The following ANKRD62 variants were observed in gnomAD, a reference collection of about 807,000 sequenced individuals.
The protein encoded by ANKRD62 is ankyrin repeat domain 62, also known as ankyrin repeat domain-containing protein 62.
ANKRD62 carries 61 observed loss-of-function variants against 98.8 expected under a neutral mutation model. That is an observed-to-expected ratio of 0.62 (90% CI 0.50 to 0.76). The LOEUF is 0.76. Ranked by LOEUF, ANKRD62 falls within the 30% of genes least tolerant of loss-of-function variation. The probability of loss-of-function intolerance (pLI) is 0.00; values close to 1 mark genes in which losing one functional copy is unlikely to be tolerated. For missense variants in ANKRD62, 933 were observed against 1,082.9 expected, an observed-to-expected ratio of 0.86 and a Z score of 1.94; for synonymous variants, 341 against 367.9, an observed-to-expected ratio of 0.93 and a Z score of 0.84.
chr18:12,102,015 A>G lies in ANKRD62; in HGVS notation c.821-1143A>G, dbSNP rs1448674861. On this transcript the variant is annotated intron_variant, in intron 6 of 13. Transcript: ENST00000587848. The stretch of plus-strand genomic sequence containing the variant: ...GTCAGAGCTTCCACAGCGTGGCAAC[A>G]GCTTTGCAGATGCCCACATCATGGT... 6 of 1,347,266 alleles carry G rather than the reference A, an allele frequency of 4.5e-6. No individual in the cohort carries two copies. In the African/African-American group the frequency reaches 7.2e-5, roughly 16 times the overall value. 83.5% of individuals were successfully genotyped at this position (1,347,266 alleles called of 1,614,324 possible).
chr18:12,098,607 G>T (rs1055277018), intron 5 of ANKRD62: 7 of 152,174 alleles, frequency 4.6e-5, no homozygotes, highest in African/African-American at 1.7e-4. Context: ...AGCAAAACAG[G>T]TGCTAGCCAA....
intron 4 of ANKRD62, among the ~76,000 whole-genome samples, chr18:12,097,292 A>G (rs903191065): frequency 1.3e-4 from 20 of 152,232 alleles, no homozygotes; most frequent in African/African-American, 4.3e-4. Context: ...ATTACAATAT[A>G]TTATATCAGA....
In ANKRD62 at chr18:12,097,994, C is replaced by T. The variant is rs562274006; in HGVS notation, c.752+217C>T. 6.6e-5 allele frequency among the ~76,000 whole-genome samples: 10 copies of T among 152,294 alleles called. No individual in the cohort carries two copies. In the South Asian group the frequency reaches 2.1e-3, roughly 32 times the overall value. On this transcript the variant is annotated intron_variant, in intron 5 of 13. Coordinates refer to ENST00000587848, the MANE Select transcript of ANKRD62 (RefSeq NM_001277333.2). ...CTTTAACTCAAGTCTCTTAAGACTT[C>T]TATGCTTAGTTATTCTGTGAGTCCC...
At chr18:12,181,072 A>T in the ANKRD62 span, among the ~76,000 whole-genome samples, 4 of 151,368 alleles carry the variant, frequency 2.6e-5, no homozygotes, top group African/African-American at 9.7e-5. Flanking sequence ...TACCTCATAT[A>T]AATTCCTAGA....
rs936181524 is a variant in ANKRD62 at position 12,103,821 on chromosome 18, T to C, written c.891+593T>C. On this transcript the variant is annotated intron_variant, in intron 7 of 13. Transcript: ENST00000587848. Reference sequence around the variant, plus strand: ...CCAATTTATTTCAACATAGGAAATCTGCAAATATTGTTAAATTTTTAAAAT... The same window carrying C: ...CCAATTTATTTCAACATAGGAAATCCGCAAATATTGTTAAATTTTTAAAAT... Among the ~76,000 whole-genome samples the C allele has an allele frequency of 2.6e-5, 4 of 152,122 alleles. No individual in the cohort carries two copies. The South Asian group carries it at 8.3e-4, about 31-fold the overall frequency.
chr18:12,130,603 C>T (rs1361686056), downstream of ANKRD62, among the ~76,000 whole-genome samples: 12 of 151,902 alleles, frequency 7.9e-5, no homozygotes, highest in South Asian at 2.1e-4. Flanking sequence ...CAAGAGTAAA[C>T]GTGAAATACA....
At chr18:12,096,762 CTT>C (rs1356610981) in intron 4 of ANKRD62, among the ~76,000 whole-genome samples, 1 of 152,138 alleles carries the variant, frequency 6.6e-6, no homozygotes. Flanking sequence ...TTGGATGACT[CTT>C]TGCTTTAGCT....
At chr18:12,114,954 C>A in intron 8 of ANKRD62, 134 bp from the exon 9 acceptor site, 2 of 701,460 alleles carry the variant, frequency 2.9e-6, no homozygotes, top group Non-Finnish European at 4.0e-6. Context: ...CCTGTAAAAA[C>A]ATTACCTGTA....
Position 12,122,345 on chromosome 18 carries a change from G to A in ANKRD62, c.1283G>A (p.Cys428Tyr). ...AAAAGCAAGAATGCAACAGCTGCAT[G>A]TGGAAGATCAATAGAGGATCAAAAA... ...LSKSKNATAACGRSIEDQKCY... is the reference protein window; with the variant it reads ...LSKSKNATAAYGRSIEDQKCY... The change falls in exon 11 of 14, where the codon TGT becomes TAT. Residue 428 changes from cysteine to tyrosine, a missense_variant. By Grantham distance (194) the Cys-to-Tyr change is radical. Around this residue, in one of 3 missense-constraint regions of ANKRD62, gnomAD observed 549 missense variants for 587.9 expected, o/e 0.93. Coordinates refer to ENST00000587848, the MANE Select transcript of ANKRD62 (RefSeq NM_001277333.2). 1 of 1,535,460 alleles carries A rather than the reference G, an allele frequency of 6.5e-7. No individual in the cohort carries two copies. Among genetic ancestry groups the A allele is most frequent in the African/African-American group, 1.4e-5 (1 of 73,130 alleles).
chr18:12,126,997 A>G (rs1366803477), intron 13 of ANKRD62, among the ~76,000 whole-genome samples: 1 of 152,214 alleles, frequency 6.6e-6, no homozygotes, highest in Non-Finnish European at 1.5e-5. Flanking sequence ...TAATATGGGG[A>G]AAATGTGGTA....
At chr18:12,118,546 T>C (rs1909715749) in intron 10 of ANKRD62, among the ~76,000 whole-genome samples, 1 of 150,476 alleles carries the variant, frequency 6.6e-6, no homozygotes, top group African/African-American at 2.4e-5. Flanking sequence ...GAGGCAGAGG[T>C]TGCAGTGAGC....
the ANKRD62 span, among the ~76,000 whole-genome samples, chr18:12,173,558 A>G: frequency 2.6e-5 from 4 of 152,166 alleles, no homozygotes; most frequent in African/African-American, 9.7e-5. Context: ...GTTATTTTGC[A>G]GACTTGTTTA....
the ANKRD62 span, among the ~76,000 whole-genome samples, chr18:12,168,446 G>T: frequency 6.6e-6 from 1 of 152,116 alleles, no homozygotes; most frequent in East Asian, 1.9e-4. Flanking sequence ...GATAGTTGTA[G>T]ATATGTGGCA....
Position 12,093,888 on chromosome 18 carries a change from T to C in ANKRD62, c.-130T>C. On this transcript the variant is annotated 5_prime_UTR_variant, in exon 1 of 14. Coordinates refer to ENST00000587848, the MANE Select transcript of ANKRD62 (RefSeq NM_001277333.2). ...TCCTCCGAGCAGCTGGAGACTGGAG[T>C]GTCCCTGACGGAGGTTGCGGCTGGA... 1 of 802,268 alleles carries C rather than the reference T, an allele frequency of 1.2e-6. No individual in the cohort carries two copies. The highest frequency in any genetic ancestry group is 2.0e-6 in the Non-Finnish European group (1 of 497,336). The allele number at this position is 802,268 out of a possible 1,614,324, so 49.7% of individuals were successfully genotyped here.
rs182274628 is a variant in ANKRD62, at chr18:12,122,530, G to C, written c.1454+14G>C. On this transcript the variant is annotated intron_variant, in intron 11 of 13. Coordinates refer to ENST00000587848, the MANE Select transcript of ANKRD62 (RefSeq NM_001277333.2). ...CTGTAATTTGAGGTATCACATTCTAGTTTTAAAGAAATATTTCAACTATTT... is the reference window on the plus strand; with the variant it reads ...CTGTAATTTGAGGTATCACATTCTACTTTTAAAGAAATATTTCAACTATTT... 365 of 1,497,132 alleles carry C rather than the reference G, an allele frequency of 2.4e-4. 4 individuals carry two copies. In the East Asian group the frequency reaches 5.4e-3, roughly 22 times the overall value. The allele number at this position is 1,497,132 out of a possible 1,614,324, so 92.7% of individuals were successfully genotyped here. A position where few individuals can be genotyped will look rare whatever the true frequency, so the allele number is the denominator to read the frequency against.
chr18:12,093,869 G>A lies in ANKRD62; in HGVS notation c.-149G>A. 1 of 719,562 alleles carries A rather than the reference G, an allele frequency of 1.4e-6. No individual in the cohort carries two copies. The highest frequency in any genetic ancestry group is 2.3e-6 in the Non-Finnish European group (1 of 428,026). The allele number at this position is 719,562 out of a possible 1,614,324, so 44.6% of individuals were successfully genotyped here. ...GCTCTGCTGGGCTAGGTGCTCCTCC[G>A]AGCAGCTGGAGACTGGAGTGTCCCT... On this transcript the variant is annotated 5_prime_UTR_variant, in exon 1 of 14. Coordinates refer to ENST00000587848, the MANE Select transcript of ANKRD62 (RefSeq NM_001277333.2).
chr18:12,139,083 A>G, the ANKRD62 span, among the ~76,000 whole-genome samples: 3 of 152,160 alleles, frequency 2.0e-5, no homozygotes, highest in East Asian at 5.8e-4. Flanking sequence ...TGATCCTGTC[A>G]TTATGATGTT....
the ANKRD62 span, among the ~76,000 whole-genome samples, chr18:12,165,019 A>G: frequency 6.6e-6 from 1 of 151,968 alleles, no homozygotes; most frequent in Admixed American, 6.6e-5. Flanking sequence ...TGACCCCTTT[A>G]TCATTATATA....
chr18:12,176,049 G>A, the ANKRD62 span, among the ~76,000 whole-genome samples: 331 of 151,222 alleles, frequency 2.2e-3, 3 homozygotes, highest in East Asian at 0.036. Flanking sequence ...AAAATTGGCC[G>A]GGCATGGTGG....
Sources: allele counts gnomAD v4.1 joint callset (sites outside exome capture counted in the v4.1 genomes callset), GRCh38; gene constraint gnomAD v4.1.1; regional missense constraint gnomAD v4.1.1; transcripts MANE v1.5; gene names NCBI Gene and HGNC (gene_info 2026-07-23, HGNC 2026-07-21).